Variants in PRR16 observed in about 807,000 individuals in gnomAD.
PRR16 encodes the protein protein Largen.
In PRR16, 6 loss-of-function variants were observed where a neutral mutation model predicts 18.2. The observed-to-expected ratio is 0.33, with a 90% CI of 0.18 to 0.65. The LOEUF (loss-of-function observed/expected upper bound fraction) is 0.65. PRR16 is among the 30% of genes least tolerant of loss of function. The pLI, the probability that PRR16 is intolerant of heterozygous loss-of-function variation, is 0.74. For missense variants in PRR16, 412 were observed against 376.6 expected (o/e 1.09, Z -0.78); for synonymous variants, 151 against 147.8 (o/e 1.02, Z -0.16).
the PRR16 span, among the ~76,000 whole-genome samples, chr5:120,700,316 G>T: frequency 6.6e-6 from 1 of 152,090 alleles, no homozygotes; most frequent in Non-Finnish European, 1.5e-5. Context: ...TTTTTAAAGC[G>T]TGCTGCGGGA....
chr5:120,468,426 G>A (rs1367687929), intron 1 of PRR16, among the ~76,000 whole-genome samples: 1 of 151,998 alleles, frequency 6.6e-6, no homozygotes, highest in Non-Finnish European at 1.5e-5. Flanking sequence ...AAAGGAAATA[G>A]GTTTGGACTA....
chr5:120,622,942 T>C (rs1222580019), intron 1 of PRR16, among the ~76,000 whole-genome samples: 2 of 152,122 alleles, frequency 1.3e-5, no homozygotes, highest in Non-Finnish European at 2.9e-5. Context: ...GAGAGAACAA[T>C]AAAAATGTGT....
chr5:120,634,623 G>A (rs1580812512), intron 1 of PRR16, among the ~76,000 whole-genome samples: 1 of 152,170 alleles, frequency 6.6e-6, no homozygotes, highest in African/African-American at 2.4e-5. Context: ...AGCCTGGGGA[G>A]CAGAGTGATA....
intron 1 of PRR16, among the ~76,000 whole-genome samples, chr5:120,638,246 C>G (rs536959812): frequency 4.2e-4 from 64 of 152,144 alleles, no homozygotes; most frequent in African/African-American, 1.3e-3. Flanking sequence ...GATTTTGGAG[C>G]ATTTCAGATT....
intron 1 of PRR16, among the ~76,000 whole-genome samples, chr5:120,615,839 A>G (rs905689790): frequency 6.6e-6 from 1 of 152,158 alleles, no homozygotes; most frequent in Admixed American, 6.6e-5. Flanking sequence ...TCACGTTCCC[A>G]GTAACCAGGA....
At chr5:120,669,527 A>G (rs142791788) in intron 1 of PRR16, among the ~76,000 whole-genome samples, 61 of 152,130 alleles carry the variant, frequency 4.0e-4, no homozygotes, top group African/African-American at 1.4e-3. Flanking sequence ...TTTAGATATT[A>G]TCCTCTAGTT....
intron 1 of PRR16, chr5:120,481,146 C>G: frequency 9.1e-7 from 1 of 1,099,626 alleles, no homozygotes. Flanking sequence ...TAAAATATAT[C>G]TTATTTTATT....
intron 1 of PRR16, among the ~76,000 whole-genome samples, chr5:120,487,985 C>G (rs1749876239): frequency 6.6e-6 from 1 of 152,104 alleles, no homozygotes; most frequent in Non-Finnish European, 1.5e-5. Context: ...GCCTTGCATC[C>G]CAGGGATGAA....
intron 1 of PRR16, among the ~76,000 whole-genome samples, chr5:120,532,882 A>G (rs1751595779): frequency 6.6e-6 from 1 of 152,210 alleles, no homozygotes; most frequent in Admixed American, 6.5e-5. Context: ...ATGTCATTAC[A>G]GAAACTTTTC....
chr5:120,575,416 G>C (rs1753045039), intron 1 of PRR16, among the ~76,000 whole-genome samples: 1 of 149,648 alleles, frequency 6.7e-6, no homozygotes, highest in Non-Finnish European at 1.5e-5. Flanking sequence ...CAAAATACTA[G>C]CTAGCAAACT....
chr5:120,706,977 C>A, the PRR16 span, among the ~76,000 whole-genome samples: 1 of 152,088 alleles, frequency 6.6e-6, no homozygotes, highest in Non-Finnish European at 1.5e-5. Flanking sequence ...GGGACACTAT[C>A]TTTTTTGATG....
At chr5:120,593,360 C>T (rs1006712785) in intron 1 of PRR16, among the ~76,000 whole-genome samples, 15 of 151,918 alleles carry the variant, frequency 9.9e-5, no homozygotes, top group Non-Finnish European at 2.1e-4. Flanking sequence ...TCACTAGAGA[C>T]TACTAGGAAT....
chr5:120,565,560 A>T (rs1194808538), intron 1 of PRR16, among the ~76,000 whole-genome samples: 1 of 152,228 alleles, frequency 6.6e-6, no homozygotes, highest in East Asian at 1.9e-4. Flanking sequence ...GTGACCTGGA[A>T]AAATCATACA....
chr5:120,545,445 G>A (rs1369850507), intron 1 of PRR16, among the ~76,000 whole-genome samples: 2 of 151,898 alleles, frequency 1.3e-5, no homozygotes, highest in East Asian at 3.9e-4. Context: ...CATGTATGGT[G>A]GTGGCTTTTA....
intron 1 of PRR16, among the ~76,000 whole-genome samples, chr5:120,584,002 G>T (rs1753358109): frequency 6.6e-6 from 1 of 152,176 alleles, no homozygotes. Flanking sequence ...AACAAGGTCA[G>T]ATCTACCAAA....
At chr5:120,549,324 G>A (rs1429858571) in intron 1 of PRR16, among the ~76,000 whole-genome samples, 1 of 152,072 alleles carries the variant, frequency 6.6e-6, no homozygotes, top group Non-Finnish European at 1.5e-5. Context: ...CTGGGCACAA[G>A]CCTTGACCTC....
chr5:120,726,202 A>T, the PRR16 span, among the ~76,000 whole-genome samples: 104 of 152,248 alleles, frequency 6.8e-4, no homozygotes, highest in African/African-American at 2.4e-3. Context: ...GGATGTAAAT[A>T]GTTCTTTTCT....
Position 120,566,573 on chromosome 5 carries a change from A to C in PRR16, c.159+101928A>C, listed in dbSNP as rs538634018. On this transcript the variant is annotated intron_variant, in intron 1 of 1. Transcript: ENST00000407149. ...TGCTGAGGTGCTATTGGCTGATGGA[A>C]GTATTTTAGATCACTGATTTCAGAA... is the stretch of plus-strand genomic sequence containing the variant. Among the ~76,000 whole-genome samples the C allele has an allele frequency of 2.0e-5, 3 of 152,340 alleles. No individual in the cohort carries two copies. In the East Asian group the frequency reaches 5.8e-4, roughly 29 times the overall value.
chr5:120,654,597 A>T (rs773226962), intron 1 of PRR16, among the ~76,000 whole-genome samples: 14 of 151,970 alleles, frequency 9.2e-5, no homozygotes, highest in Non-Finnish European at 1.6e-4. Flanking sequence ...TCAGGAGGGG[A>T]AAAATAAGAA....
Sources: allele counts gnomAD v4.1 joint callset (sites outside exome capture counted in the v4.1 genomes callset), GRCh38; gene constraint gnomAD v4.1.1; transcripts MANE v1.5; gene names NCBI Gene and HGNC (gene_info 2026-07-23, HGNC 2026-07-21).